Variants in RGS6 observed in about 807,000 individuals in gnomAD.
RGS6 encodes regulator of G protein signaling 6.
A neutral mutation model predicts 78.5 loss-of-function variants in RGS6; 30 were observed. The observed-to-expected ratio is 0.38, with a 90% CI of 0.29 to 0.52. The LOEUF (loss-of-function observed/expected upper bound fraction) is 0.52, where lower values mean the gene tolerates loss of function less well. Ranked by LOEUF, RGS6 falls within the 20% of genes least tolerant of loss-of-function variation. The pLI is 0.85. For missense variants in RGS6, 495 were observed against 609.7 expected, an observed-to-expected ratio of 0.81 and a Z score of 1.98; for synonymous variants, 206 against 206.0, an observed-to-expected ratio of 1.00 and a Z score of 0.00.
chr14:72,210,888 A>G (rs1253990150), intron 2 of RGS6, among the ~76,000 whole-genome samples: 4 of 152,160 alleles, frequency 2.6e-5, no homozygotes, highest in African/African-American at 4.8e-5. Flanking sequence ...TAATTGAGCA[A>G]TAAACAACAA....
At chr14:72,330,714 A>G (rs2074819718) in intron 2 of RGS6, among the ~76,000 whole-genome samples, 1 of 152,190 alleles carries the variant, frequency 6.6e-6, no homozygotes, top group Non-Finnish European at 1.5e-5. Flanking sequence ...GCTTGTCAGA[A>G]TGAATTCCAA....
chr14:72,527,923 G>A (rs1336501148), intron 15 of RGS6, among the ~76,000 whole-genome samples: 3 of 152,206 alleles, frequency 2.0e-5, no homozygotes, highest in Non-Finnish European at 4.4e-5. Context: ...AAGAAAAATA[G>A]GATACTTGAA....
At chr14:72,192,967 G>A (rs1394467079) in intron 2 of RGS6, among the ~76,000 whole-genome samples, 1 of 150,444 alleles carries the variant, frequency 6.6e-6, no homozygotes, top group African/African-American at 2.4e-5. Context: ...GATGCCCTTT[G>A]CTGCTGGGTT....
At chr14:72,376,902 T>C (rs2084893116) in intron 3 of RGS6, among the ~76,000 whole-genome samples, 1 of 152,004 alleles carries the variant, frequency 6.6e-6, no homozygotes, top group Admixed American at 6.6e-5. Context: ...ATAAAACTTA[T>C]TGATGGAGCC....
At chr14:72,358,960 G>A (rs139336860) in intron 3 of RGS6, among the ~76,000 whole-genome samples, 1 of 152,184 alleles carries the variant, frequency 6.6e-6, no homozygotes, top group Non-Finnish European at 1.5e-5. Flanking sequence ...TTGAATCATG[G>A]GTTGGTTACC....
At chr14:72,559,938 T>C (rs2097647708) in intron 17 of RGS6, among the ~76,000 whole-genome samples, 1 of 151,926 alleles carries the variant, frequency 6.6e-6, no homozygotes, top group South Asian at 2.1e-4. Context: ...CCTCCAGAAA[T>C]AGAATCTCCA....
rs145411637 is a variant in RGS6 at position 72,529,849 on chromosome 14, C to T, written c.1279-6337C>T. Among the ~76,000 whole-genome samples the T allele has an allele frequency of 1.3e-3, 200 of 152,298 alleles. 2 individuals are homozygous for T. Among genetic ancestry groups the T allele is most frequent in the African/African-American group, 4.5e-3 (186 of 41,574 alleles). On this transcript the variant is annotated intron_variant, in intron 15 of 17. Coordinates refer to ENST00000553525, the MANE Select transcript of RGS6 (RefSeq NM_001204424.2). ...AGCCCTTAGCTGAATTGGCTAAATG[C>T]GTCTCTGTGCAAAGTCTATCTTGCC...
chr14:72,431,116 TG>T (rs1351103328), intron 3 of RGS6, among the ~76,000 whole-genome samples: 1 of 152,198 alleles, frequency 6.6e-6, no homozygotes, highest in Non-Finnish European at 1.5e-5. Flanking sequence ...AAAGTCCATA[TG>T]TACTAGGATC....
chr14:71,984,323 C>CAACTT (rs1555416219), intron 2 of RGS6, among the ~76,000 whole-genome samples: 24,502 of 118,778 alleles, frequency 0.21, 2,888 homozygotes, highest in Non-Finnish European at 0.26. Context: ...AAAAAAAAAA[C>CAACTT]AAAGCTGTTA....
intron 2 of RGS6, among the ~76,000 whole-genome samples, chr14:72,342,565 TAA>T (rs369765140): frequency 7.5e-6 from 1 of 133,408 alleles, no homozygotes. Flanking sequence ...GACTCTGTCT[TAA>T]AAAAAAAAAA....
intron 2 of RGS6, among the ~76,000 whole-genome samples, chr14:72,144,931 A>G (rs1050002103): frequency 6.6e-6 from 1 of 152,174 alleles, no homozygotes; most frequent in Non-Finnish European, 1.5e-5. Flanking sequence ...TTCAGGGATC[A>G]GAGTTTTTAA....
intron 12 of RGS6, among the ~76,000 whole-genome samples, chr14:72,485,727 G>T (rs116704942): frequency 6.6e-6 from 1 of 152,194 alleles, no homozygotes; most frequent in Admixed American, 6.5e-5. Flanking sequence ...ACAAGAAGGG[G>T]CTGTGGAATT....
At chr14:72,438,334 C>T (rs1414027898) in intron 3 of RGS6, among the ~76,000 whole-genome samples, 2 of 152,100 alleles carry the variant, frequency 1.3e-5, no homozygotes, top group African/African-American at 2.4e-5. Context: ...CATCCAGCCT[C>T]GCTGCCTGAA....
At chr14:72,110,596 A>G (rs544974570) in intron 2 of RGS6, among the ~76,000 whole-genome samples, 1 of 152,336 alleles carries the variant, frequency 6.6e-6, no homozygotes, top group African/African-American at 2.4e-5. Flanking sequence ...CTCCCTGAGC[A>G]TCAGAGTGTA....
At chr14:72,145,125 G>T (rs1343645992) in intron 2 of RGS6, among the ~76,000 whole-genome samples, 1 of 152,128 alleles carries the variant, frequency 6.6e-6, no homozygotes, top group Non-Finnish European at 1.5e-5. Context: ...TGCAGAGTCT[G>T]CAAAATATCT....
intron 2 of RGS6, among the ~76,000 whole-genome samples, chr14:72,020,851 C>T (rs2088272673): frequency 1.3e-5 from 2 of 152,182 alleles, no homozygotes; most frequent in Admixed American, 1.3e-4. Flanking sequence ...AGTAAACAAA[C>T]ATAGACTTCA....
At chr14:72,325,101 G>A (rs1003595865) in intron 2 of RGS6, among the ~76,000 whole-genome samples, 5 of 152,186 alleles carry the variant, frequency 3.3e-5, no homozygotes, top group African/African-American at 9.7e-5. Context: ...TTTCTCTGAT[G>A]GCCAGTGATG....
At chr14:72,244,441 G>A (rs2053706715) in intron 2 of RGS6, among the ~76,000 whole-genome samples, 1 of 152,102 alleles carries the variant, frequency 6.6e-6, no homozygotes, top group Non-Finnish European at 1.5e-5. Flanking sequence ...CTTAGCCTGG[G>A]CTTCCACCAT....
At chr14:72,254,691 A>G (rs984820515) in intron 2 of RGS6, among the ~76,000 whole-genome samples, 2 of 152,150 alleles carry the variant, frequency 1.3e-5, no homozygotes, top group Non-Finnish European at 2.9e-5. Flanking sequence ...TCAAGGGAGA[A>G]TAAATCACAG....
Sources: allele counts gnomAD v4.1 joint callset (sites outside exome capture counted in the v4.1 genomes callset), GRCh38; gene constraint gnomAD v4.1.1; transcripts MANE v1.5; gene names NCBI Gene and HGNC (gene_info 2026-07-23, HGNC 2026-07-21).